Variants in ZFAND3 observed in about 807,000 individuals in gnomAD.
ZFAND3 encodes the protein AN1-type zinc finger protein 3.
A neutral mutation model predicts 29.6 loss-of-function variants in ZFAND3; 10 were observed. That is an observed-to-expected ratio of 0.34 (90% CI 0.21 to 0.57). ZFAND3 has a LOEUF of 0.57. ZFAND3 is among the 20% of genes least tolerant of loss of function. The probability of loss-of-function intolerance (pLI) is 0.86; values close to 1 mark genes in which losing one functional copy is unlikely to be tolerated. For missense variants in ZFAND3, 230 were observed against 304.5 expected, an observed-to-expected ratio of 0.76 and a Z score of 1.82; for synonymous variants, 128 against 112.6, an observed-to-expected ratio of 1.14 and a Z score of -0.87.
intron 1 of ZFAND3, among the ~76,000 whole-genome samples, chr6:37,921,713 C>T (rs1282866725): frequency 6.6e-6 from 1 of 151,886 alleles, no homozygotes; most frequent in African/African-American, 2.4e-5. Flanking sequence ...AAACATTTAA[C>T]AACATAATCA....
intron 2 of ZFAND3, among the ~76,000 whole-genome samples, chr6:37,965,331 A>G (rs1762274606): frequency 6.6e-6 from 1 of 152,142 alleles, no homozygotes; most frequent in African/African-American, 2.4e-5. Context: ...TGATCTGTGG[A>G]CTGTGAGTAG....
intron 4 of ZFAND3, among the ~76,000 whole-genome samples, chr6:38,092,735 C>T (rs942237150): frequency 6.6e-6 from 1 of 152,162 alleles, no homozygotes; most frequent in African/African-American, 2.4e-5. Context: ...TTCGAGTGCT[C>T]AACTTCACTA....
At chr6:38,023,858 A>C (rs1763397174) in intron 2 of ZFAND3, among the ~76,000 whole-genome samples, 1 of 152,164 alleles carries the variant, frequency 6.6e-6, no homozygotes, top group African/African-American at 2.4e-5. Context: ...GGAAAAGGCC[A>C]ATTTTTAAAA....
chr6:38,129,215 T>C (rs1211786711), intron 5 of ZFAND3, among the ~76,000 whole-genome samples: 1 of 152,248 alleles, frequency 6.6e-6, no homozygotes, highest in East Asian at 1.9e-4. Context: ...TTGTAGATTC[T>C]GGATATTAGT....
chr6:38,110,511 G>T (rs1245096594), intron 4 of ZFAND3, among the ~76,000 whole-genome samples: 2 of 152,068 alleles, frequency 1.3e-5, no homozygotes, highest in East Asian at 1.9e-4. Context: ...GTGGACAAAG[G>T]TTTTACCAGC....
rs913437317 is a variant in ZFAND3, at chr6:37,854,968, T to G, written c.71+34952T>G. On this transcript the variant is annotated intron_variant, in intron 1 of 5. Coordinates refer to ENST00000287218, the MANE Select transcript of ZFAND3 (RefSeq NM_021943.3). ...TACAGGAGAAAAATAATAGGTGTTT[T>G]TTTTTTTTTTTTTTTTTTGGTGAGG... Among the ~76,000 whole-genome samples, 7 of 136,004 alleles carry G rather than the reference T, an allele frequency of 5.1e-5. No individual in the cohort carries two copies. The East Asian group carries it at 1.4e-3, about 27-fold the overall frequency. 89.2% of individuals were successfully genotyped at this position (136,004 alleles called of 152,430 possible).
rs993045049 is a variant in ZFAND3, at chr6:38,060,192, G to A, written c.113-1401G>A. On this transcript the variant is annotated intron_variant, in intron 2 of 5. Transcript: ENST00000287218. ...CTGACTGTGGAACCTGAGTATATGCGGGAGTTCTGAAACCAGTCCCCTGTG... is the reference window on the plus strand; with the variant it reads ...CTGACTGTGGAACCTGAGTATATGCAGGAGTTCTGAAACCAGTCCCCTGTG... Among the ~76,000 whole-genome samples the A allele has an allele frequency of 1.6e-4, 24 of 152,180 alleles. 1 individual carries two copies. The highest frequency in any genetic ancestry group is 3.3e-4 in the Admixed American group (5 of 15,288).
intron 2 of ZFAND3, among the ~76,000 whole-genome samples, chr6:38,050,076 T>G (rs1333781286): frequency 6.7e-6 from 1 of 148,942 alleles, no homozygotes; most frequent in Non-Finnish European, 1.5e-5. Context: ...TGCGTCAGCC[T>G]CCTGAGTAGC....
At chr6:37,857,251 A>G (rs1764401034) in intron 1 of ZFAND3, among the ~76,000 whole-genome samples, 1 of 152,224 alleles carries the variant, frequency 6.6e-6, no homozygotes, top group Non-Finnish European at 1.5e-5. Flanking sequence ...TGATTAGGAT[A>G]AATATTATGT....
chr6:37,886,237 C>CAAAA (rs55661554), intron 1 of ZFAND3, among the ~76,000 whole-genome samples: 7 of 95,298 alleles, frequency 7.3e-5, no homozygotes, highest in African/African-American at 1.8e-4. Flanking sequence ...GACTCTGTCT[C>CAAAA]AAAAAAAAAA....
chr6:37,966,650 T>C (rs1234897032), intron 2 of ZFAND3, among the ~76,000 whole-genome samples: 1 of 152,134 alleles, frequency 6.6e-6, no homozygotes, highest in Non-Finnish European at 1.5e-5. Context: ...GAGAAGAAGT[T>C]GCCAGCTTGA....
chr6:38,126,340 C>T (rs1466641384), intron 5 of ZFAND3, among the ~76,000 whole-genome samples: 1 of 152,168 alleles, frequency 6.6e-6, no homozygotes, highest in African/African-American at 2.4e-5. Flanking sequence ...AGTTTGGGGC[C>T]ATTATGAATA....
intron 1 of ZFAND3, among the ~76,000 whole-genome samples, chr6:37,844,850 TAA>T (rs879611779): frequency 1.4e-4 from 19 of 132,710 alleles, no homozygotes; most frequent in South Asian, 2.4e-4. Flanking sequence ...CCGTCTCTAC[TAA>T]AAAAAAAAAA....
intron 4 of ZFAND3, among the ~76,000 whole-genome samples, chr6:38,110,688 T>C (rs1223216481): frequency 6.6e-6 from 1 of 152,230 alleles, no homozygotes; most frequent in African/African-American, 2.4e-5. Flanking sequence ...AGAGCTGTCA[T>C]AGAGCCTGAG....
At chr6:37,897,542 G>A (rs968309308) in intron 1 of ZFAND3, among the ~76,000 whole-genome samples, 2 of 152,136 alleles carry the variant, frequency 1.3e-5, no homozygotes, top group African/African-American at 2.4e-5. Flanking sequence ...AGAGGGAATC[G>A]GTGAGTCATA....
At chr6:38,085,267 G>A (rs1452408287) in intron 4 of ZFAND3, among the ~76,000 whole-genome samples, 1 of 152,148 alleles carries the variant, frequency 6.6e-6, no homozygotes, top group African/African-American at 2.4e-5. Flanking sequence ...AGGCATAGAT[G>A]GTCAGTAAAT....
chr6:37,928,456 G>A (rs190222552), intron 1 of ZFAND3, among the ~76,000 whole-genome samples: 297 of 152,256 alleles, frequency 2.0e-3, no homozygotes, highest in Non-Finnish European at 2.3e-3. Flanking sequence ...GAATGAGTCC[G>A]CTTGGGAGAG....
At chr6:37,831,234 G>A (rs1763854959) in intron 1 of ZFAND3, among the ~76,000 whole-genome samples, 1 of 152,236 alleles carries the variant, frequency 6.6e-6, no homozygotes, top group Admixed American at 6.5e-5. Flanking sequence ...TTAAAGGCCA[G>A]CTTCCCAACT....
At chr6:37,876,267 G>T (rs1764791041) in intron 1 of ZFAND3, among the ~76,000 whole-genome samples, 1 of 152,174 alleles carries the variant, frequency 6.6e-6, no homozygotes, top group Non-Finnish European at 1.5e-5. Flanking sequence ...ACAACTTTTA[G>T]AATCCCGTAG....
Sources: allele counts gnomAD v4.1 joint callset (sites outside exome capture counted in the v4.1 genomes callset), GRCh38; gene constraint gnomAD v4.1.1; transcripts MANE v1.5; gene names NCBI Gene and HGNC (gene_info 2026-07-23, HGNC 2026-07-21).